LLGL2: variants seen among roughly 807,000 people sequenced by gnomAD.
LLGL2 encodes LLGL scribble cell polarity complex component 2, also known as LLGL2, scribble cell polarity complex component.
LLGL2 carries 81 observed loss-of-function variants against 123.2 expected under a neutral mutation model. That is an observed-to-expected ratio of 0.66 (90% confidence interval 0.55 to 0.79). The LOEUF (loss-of-function observed/expected upper bound fraction) is 0.79. Ranked by LOEUF, LLGL2 falls within the 30% of genes least tolerant of loss-of-function variation. LLGL2 has a pLI of 0.00. For synonymous variants in LLGL2, 577 were observed against 594.1 expected (o/e 0.97, Z 0.42); for missense variants, 1,273 against 1,414.6 (o/e 0.90, Z 1.61).
At chr17:75,566,598 G>A (rs937633705) in intron 10 of LLGL2, among the ~76,000 whole-genome samples, 9 of 152,218 alleles carry the variant, frequency 5.9e-5, no homozygotes, top group Non-Finnish European at 1.0e-4. Context: ...GGGCGTATCC[G>A]TGTTCCAGGA....
At chr17:75,532,077 C>CACACACACACACACA (rs58220046) in intron 1 of LLGL2, among the ~76,000 whole-genome samples, 255 of 83,912 alleles carry the variant, frequency 3.0e-3, no homozygotes, top group Non-Finnish European at 5.7e-3. Context: ...CACACACACA[C>CACACACACACACACA]TTTTTTTTTT....
intron 3 of LLGL2, chr17:75,557,898 C>T (rs1006840575): frequency 1.3e-5 from 7 of 525,876 alleles, no homozygotes; most frequent in Non-Finnish European, 2.1e-5. Flanking sequence ...GGTAGGGCTT[C>T]GCCTTTCTAT....
rs193237540 is a variant in LLGL2 at position 75,561,733 on chromosome 17, C to G, written c.531-1283C>G. ...ATCAGGAGTTCGAGACCAGCTTGGG[C>G]AACATGGCGAAACCCCGTCTCTACT... On this transcript the variant is annotated intron_variant, in intron 6 of 25. Transcript: ENST00000392550. 1.5e-3 allele frequency among the ~76,000 whole-genome samples: 221 copies of G among 152,254 alleles called. 5 individuals carry two copies. Among genetic ancestry groups the G allele is most frequent in the Admixed American group, 2.8e-3 (43 of 15,284 alleles).
chr17:75,540,559 C>T (rs1478328070), intron 1 of LLGL2, among the ~76,000 whole-genome samples: 1 of 152,242 alleles, frequency 6.6e-6, no homozygotes. Flanking sequence ...CCCCAGACTG[C>T]CGGGTCGGCT....
chr17:75,565,766 G>A (rs760703932), intron 10 of LLGL2, among the ~76,000 whole-genome samples: 5 of 152,156 alleles, frequency 3.3e-5, no homozygotes, highest in African/African-American at 4.8e-5. Flanking sequence ...CCTGATGAGC[G>A]GTGCTTCCCT....
intron 1 of LLGL2, among the ~76,000 whole-genome samples, chr17:75,534,198 G>C (rs2147115970): frequency 6.6e-6 from 1 of 152,404 alleles, no homozygotes; most frequent in South Asian, 2.1e-4. Context: ...AGGGGGCTAA[G>C]GCCCCCAGAA....
At chr17:75,533,405 C>T (rs1389066688) in intron 1 of LLGL2, among the ~76,000 whole-genome samples, 24 of 147,162 alleles carry the variant, frequency 1.6e-4, no homozygotes, top group Admixed American at 2.8e-4. Context: ...CCCAGGTTCA[C>T]ACCATTCTCC....
At position 75,549,452 on chromosome 17, in the gene LLGL2, C is replaced by T. The variant is rs1337786228; in HGVS notation, c.75+5951C>T. Among the ~76,000 whole-genome samples the T allele has an allele frequency of 6.6e-6, 1 of 152,196 alleles. No individual in the cohort carries two copies. ...TGCCTGGGCCTTCCCTGCCCGTGCC[C>T]ACCCTCCTCTGTCCCCTTAGGCCCT... On this transcript the variant is annotated intron_variant, in intron 2 of 25. Coordinates refer to ENST00000392550, the MANE Select transcript of LLGL2 (RefSeq NM_001031803.2). The surrounding 1 kb of genome is among the most constrained non-coding windows in gnomAD (Gnocchi z 4.0).
chr17:75,557,018 G>C (rs977965483), intron 3 of LLGL2, among the ~76,000 whole-genome samples: 5 of 146,410 alleles, frequency 3.4e-5, no homozygotes, highest in Non-Finnish European at 5.9e-5. Context: ...AACAGAGTGA[G>C]ACTCTGTCTC....
Position 75,558,020 on chromosome 17 carries a change from T to TG in LLGL2, c.174-132dup, listed in dbSNP as rs373653061. On this transcript the variant is annotated intron_variant, in intron 3 of 25. Transcript: ENST00000392550. This position sits in a 1 kb window ranked among gnomAD's most constrained non-coding sequence, Gnocchi z 4.0. ...TCCTCCCCACCCTAGGCTCCATGCA[T>TG]GGGTCCTGCTGCCTCGGGGGAGGGC... The TG allele has an allele frequency of 1.9e-4, 157 of 844,608 alleles. 1 individual carries two copies. The African/African-American group carries it at 2.2e-3, about 12-fold the overall frequency. The allele number at this position is 844,608 out of a possible 1,614,324, so 52.3% of individuals were successfully genotyped here. A position where few individuals can be genotyped will look rare whatever the true frequency, so the allele number is the denominator to read the frequency against.
At chr17:75,565,014 G>C (rs1341970848) in intron 10 of LLGL2, among the ~76,000 whole-genome samples, 1 of 152,106 alleles carries the variant, frequency 6.6e-6, no homozygotes, top group Non-Finnish European at 1.5e-5. Flanking sequence ...TAGAGACCCA[G>C]CCCAGCCACA....
In LLGL2 at chr17:75,558,753, CG is replaced by C; in HGVS notation, c.371+127del. On this transcript the variant is annotated intron_variant, in intron 5 of 25. Coordinates refer to ENST00000392550, the MANE Select transcript of LLGL2 (RefSeq NM_001031803.2). The surrounding 1 kb of genome is among the most constrained non-coding windows in gnomAD (Gnocchi z 4.0). ...GGCAGTGACTGGCATGCGTTTGGCC[CG>C]ATGCATCGCCACACTCAGGTGCTCC... is the stretch of plus-strand genomic sequence containing the variant. The C allele has an allele frequency of 1.4e-6, 1 of 739,988 alleles. No homozygotes were observed. Among genetic ancestry groups the C allele is most frequent in the South Asian group, 1.7e-5 (1 of 59,260 alleles). 45.8% of individuals were successfully genotyped at this position (739,988 alleles called of 1,614,324 possible).
At chr17:75,531,632 G>A (rs923654108) in intron 1 of LLGL2, among the ~76,000 whole-genome samples, 4 of 152,368 alleles carry the variant, frequency 2.6e-5, no homozygotes, top group African/African-American at 9.6e-5. Flanking sequence ...AGTTTGCAGA[G>A]AGAAAACTGG....
At position 75,549,679 on chromosome 17, in the gene LLGL2, C is replaced by A. The variant is rs1428551470; in HGVS notation, c.75+6178C>A. Among the ~76,000 whole-genome samples the A allele has an allele frequency of 6.6e-6, 1 of 152,200 alleles. No homozygotes were observed. The highest frequency in any genetic ancestry group is 1.9e-4 in the East Asian group (1 of 5,192). On this transcript the variant is annotated intron_variant, in intron 2 of 25. Transcript: ENST00000392550. The surrounding 1 kb of genome is among the most constrained non-coding windows in gnomAD (Gnocchi z 4.0). The stretch of plus-strand genomic sequence containing the variant: ...GCCCGGCCAGGCAGGAGTGCTCCCC[C>A]AAGGTGCTGGGCAGCCTCTGAGGGC...
intron 2 of LLGL2, 70 bp downstream of exon 2, chr17:75,543,571 A>C: frequency 8.0e-7 from 1 of 1,249,906 alleles, no homozygotes; most frequent in Non-Finnish European, 1.1e-6. Flanking sequence ...GGGCTGAGGC[A>C]CCTCTTACCT....
At chr17:75,526,164 C>T (rs182300360) in intron 1 of LLGL2, among the ~76,000 whole-genome samples, 1 of 152,082 alleles carries the variant, frequency 6.6e-6, no homozygotes, top group Admixed American at 6.5e-5. Context: ...TCCCCGGGCC[C>T]ACGTGCAGGC....
At chr17:75,573,740 C>A in intron 21 of LLGL2, 109 bp downstream of exon 21, 1 of 1,295,382 alleles carries the variant, frequency 7.7e-7, no homozygotes. Context: ...CCCACGAGCT[C>A]AGCCCACCCT....
At chr17:75,551,704 T>C (rs2054682588) in intron 2 of LLGL2, among the ~76,000 whole-genome samples, 1 of 152,206 alleles carries the variant, frequency 6.6e-6, no homozygotes. Context: ...CTGTTTTCTC[T>C]GTGGCCTGAC....
intron 2 of LLGL2, among the ~76,000 whole-genome samples, chr17:75,547,113 G>A (rs1255146856): frequency 6.6e-6 from 1 of 151,228 alleles, no homozygotes; most frequent in Admixed American, 6.6e-5. Context: ...ACACCTTTTG[G>A]CTCAACTCCT....
Sources: gnomAD v4.1 joint callset for allele counts (sites outside exome capture counted in the v4.1 genomes callset) on GRCh38, gnomAD v4.1.1 for gene constraint, Gnocchi (gnomAD v3.1) non-coding constraint, MANE v1.5 for transcripts, NCBI Gene and HGNC (gene_info 2026-07-23, HGNC 2026-07-21) for gene names.